The following ZNF609 variants were observed in gnomAD, a reference collection of about 807,000 sequenced individuals.
The protein encoded by ZNF609 is zinc finger protein 609.
In ZNF609, 11 loss-of-function variants were observed where a neutral mutation model predicts 109.5. The ratio of observed to expected loss-of-function variants is 0.10; its 90% CI spans 0.06 to 0.17. ZNF609 has a LOEUF of 0.17. Ranked by LOEUF, ZNF609 falls within the 10% of genes least tolerant of loss-of-function variation. The pLI, the probability that ZNF609 is intolerant of heterozygous loss-of-function variation, is 1.00. For synonymous variants in ZNF609, 646 were observed against 662.0 expected (o/e 0.98, Z 0.37); for missense variants, 1,559 against 1,772.4 (o/e 0.88, Z 2.16).
chr15:64,490,502 G>A (rs142379766), intron 1 of ZNF609, among the ~76,000 whole-genome samples: 4,177 of 152,074 alleles, frequency 0.027, 76 homozygotes, highest in South Asian at 0.058. Flanking sequence ...TCGAACTCCC[G>A]ACCTCAGGTG....
chr15:64,582,601 G>C (rs1895123098), intron 2 of ZNF609, among the ~76,000 whole-genome samples: 2 of 151,950 alleles, frequency 1.3e-5, no homozygotes, highest in Non-Finnish European at 2.9e-5. Context: ...GCCTGTATCT[G>C]TGTGTCTACA....
intron 3 of ZNF609, among the ~76,000 whole-genome samples, chr15:64,636,921 AAAT>A (rs780375132): frequency 1.2e-4 from 18 of 152,202 alleles, no homozygotes; most frequent in Admixed American, 8.5e-4. Context: ...GTCTTACTGA[AAAT>A]AATATAAACA....
intron 3 of ZNF609, among the ~76,000 whole-genome samples, chr15:64,658,413 T>A (rs1420042535): frequency 1.3e-5 from 2 of 152,100 alleles, no homozygotes; most frequent in Non-Finnish European, 2.9e-5. Context: ...ATCAGATTGG[T>A]CTCGAACTCC....
chr15:64,485,069 G>T (rs765088748), intron 1 of ZNF609, among the ~76,000 whole-genome samples: 3 of 152,132 alleles, frequency 2.0e-5, no homozygotes, highest in Non-Finnish European at 2.9e-5. Context: ...ATTAGGAAGA[G>T]AATCAGTACC....
At chr15:64,673,345 A>G (rs935030793) in intron 4 of ZNF609, among the ~76,000 whole-genome samples, 1 of 152,216 alleles carries the variant, frequency 6.6e-6, no homozygotes, top group Non-Finnish European at 1.5e-5. Context: ...TTTAAGCTCC[A>G]TGAAAAGCTA....
intron 3 of ZNF609, among the ~76,000 whole-genome samples, chr15:64,639,917 CTTTGT>C (rs562220004): frequency 2.0e-5 from 3 of 151,756 alleles, no homozygotes; most frequent in Admixed American, 6.6e-5. Flanking sequence ...TCTTTTTTTG[CTTTGT>C]TTTGTTTTGT....
intron 2 of ZNF609, among the ~76,000 whole-genome samples, chr15:64,509,820 G>A (rs369781744): frequency 6.6e-6 from 1 of 152,138 alleles, no homozygotes; most frequent in East Asian, 1.9e-4. Context: ...TTTCATACAG[G>A]AAGTTTCTTT....
intron 1 of ZNF609, among the ~76,000 whole-genome samples, chr15:64,473,555 G>A (rs1427975030): frequency 6.6e-6 from 1 of 151,332 alleles, no homozygotes; most frequent in African/African-American, 2.4e-5. Flanking sequence ...ACCAAATTAC[G>A]TATCTAAGCA....
chr15:64,499,903 A>C lies in ZNF609; in HGVS notation c.484A>C (p.Asn162His). ...SVAGSKKEKENSSSKSKKERS... is the reference protein window; with the variant it reads ...SVAGSKKEKEHSSSKSKKERS... ...AGCCGGTTCCAAAAAGGAGAAGGAG[A>C]ACAGCTCATCTAAGAGCAAGAAGGA... The change falls in exon 2 of 10, where the codon AAC becomes CAC. Residue 162 changes from asparagine (N) to histidine (H), a missense_variant. Asn to His is a moderately conservative substitution (Grantham distance 68). This residue lies in a region of ZNF609 where 291 missense variants were observed against 317.8 expected (regional missense o/e 0.92). Transcript: ENST00000326648. 1 of 1,614,040 alleles carries C rather than the reference A, an allele frequency of 6.2e-7. No homozygotes were observed. Among genetic ancestry groups the C allele is most frequent in the Non-Finnish European group, 8.5e-7 (1 of 1,180,002 alleles).
rs1567045618 is a variant in ZNF609, at chr15:64,675,813, G to A, written c.2959G>A (p.Asp987Asn). 1.2e-6 allele frequency: 2 copies of A among 1,614,028 alleles called. No individual in the cohort carries two copies. Among genetic ancestry groups the A allele is most frequent in the South Asian group, 2.2e-5 (2 of 91,074 alleles). The change falls in exon 5 of 10, where the codon GAC (aspartate) becomes AAC (asparagine). Residue 987 changes from aspartate to asparagine, a missense_variant. By Grantham distance (23) the Asp-to-Asn change is conservative. Transcript: ENST00000326648. ...CTATGTACCCCCCTATGGCTACAGC[G>A]ACCAGAGTTACCACACCCACCTTCT... is the stretch of plus-strand genomic sequence containing the variant. ...YAYVPPYGYS[D>N]QSYHTHLLST...
intron 1 of ZNF609, among the ~76,000 whole-genome samples, chr15:64,466,159 T>G (rs998549460): frequency 2.7e-5 from 4 of 150,384 alleles, no homozygotes; most frequent in Non-Finnish European, 4.4e-5. Context: ...GGGTATAGCA[T>G]TTCCTATAAC....
chr15:64,611,032 T>C (rs1258842364), intron 2 of ZNF609, among the ~76,000 whole-genome samples: 1 of 152,176 alleles, frequency 6.6e-6, no homozygotes, highest in Non-Finnish European at 1.5e-5. Flanking sequence ...TGTTTTTATA[T>C]TCTTAAAGGT....
At chr15:64,541,839 CAAAAAAAAAA>C (rs59597800) in intron 2 of ZNF609, among the ~76,000 whole-genome samples, 1,804 of 42,258 alleles carry the variant, frequency 0.043, 154 homozygotes, top group Admixed American at 0.27. Context: ...GACTCCAACT[CAAAAAAAAAA>C]AAAAAAAAAA....
chr15:64,480,637 C>T (rs985856140), intron 1 of ZNF609, among the ~76,000 whole-genome samples: 1 of 152,026 alleles, frequency 6.6e-6, no homozygotes, highest in South Asian at 2.1e-4. Context: ...GGCTATATAC[C>T]TCATAGGAAT....
At chr15:64,618,315 C>T (rs1029400329) in intron 2 of ZNF609, among the ~76,000 whole-genome samples, 17 of 152,150 alleles carry the variant, frequency 1.1e-4, no homozygotes, top group African/African-American at 4.1e-4. Flanking sequence ...CCCTGCTGCT[C>T]AGACCTGTAG....
chr15:64,542,805 C>T (rs1396600724), intron 2 of ZNF609, among the ~76,000 whole-genome samples: 5 of 152,166 alleles, frequency 3.3e-5, no homozygotes, highest in Admixed American at 2.6e-4. Context: ...ACACTTTTTA[C>T]CTGCATCATT....
chr15:64,563,717 G>A (rs927981238), intron 2 of ZNF609, among the ~76,000 whole-genome samples: 2 of 151,896 alleles, frequency 1.3e-5, no homozygotes, highest in Admixed American at 1.3e-4. Flanking sequence ...CAGAAGTTGC[G>A]GTGAGCCAAG....
intron 2 of ZNF609, among the ~76,000 whole-genome samples, chr15:64,573,751 C>T (rs1271812623): frequency 1.3e-5 from 2 of 152,166 alleles, no homozygotes; most frequent in South Asian, 2.1e-4. Context: ...ACTTTGCCTG[C>T]ATATGTGGGT....
At chr15:64,577,017 CACATAAATAT>C (rs1894978298) in intron 2 of ZNF609, among the ~76,000 whole-genome samples, 1 of 122,054 alleles carries the variant, frequency 8.2e-6, no homozygotes, top group Non-Finnish European at 1.7e-5. Context: ...TGTATGTATA[CACATAAATAT>C]ATATATGTAT....
Sources: gnomAD v4.1 joint callset for allele counts (sites outside exome capture counted in the v4.1 genomes callset) on GRCh38, gnomAD v4.1.1 for gene constraint, gnomAD v4.1.1 regional missense constraint, MANE v1.5 for transcripts, NCBI Gene and HGNC (gene_info 2026-07-23, HGNC 2026-07-21) for gene names.